AMZ1: variants seen among roughly 807,000 people sequenced by gnomAD.
AMZ1 encodes archaemetzincin-1.
A neutral mutation model predicts 29.9 loss-of-function variants in AMZ1; 39 were observed. The observed-to-expected ratio is 1.30, with a 90% CI of 1.01 to 1.70. The LOEUF (loss-of-function observed/expected upper bound fraction) is 1.70. Among genes scored for constraint, AMZ1 ranks in the 40% most tolerant of loss-of-function variants. AMZ1 has a pLI of 0.00. For synonymous variants in AMZ1, 458 were observed against 304.0 expected (o/e 1.51, Z -5.27); for missense variants, 1,041 against 680.6 (o/e 1.53, Z -5.89).
intron 4 of AMZ1, among the ~76,000 whole-genome samples, chr7:2,743,555 G>T (rs1378974582): frequency 6.6e-6 from 1 of 152,168 alleles, no homozygotes; most frequent in Non-Finnish European, 1.5e-5. Context: ...AGAGGTCAGG[G>T]AGGATCCAAG....
chr7:2,679,911 C>G (rs1055659874), intron 1 of AMZ1, among the ~76,000 whole-genome samples: 4 of 152,166 alleles, frequency 2.6e-5, no homozygotes, highest in African/African-American at 9.6e-5. Context: ...GTTGAGGAGG[C>G]CCAGCTGGGG....
intron 1 of AMZ1, among the ~76,000 whole-genome samples, chr7:2,682,160 T>G (rs1562350834): frequency 6.6e-6 from 1 of 152,146 alleles, no homozygotes; most frequent in Non-Finnish European, 1.5e-5. Context: ...ACAGGGAGGC[T>G]GGGCCGGGGC....
intron 6 of AMZ1, among the ~76,000 whole-genome samples, chr7:2,710,562 C>A (rs1235510248): frequency 1.3e-5 from 2 of 152,180 alleles, no homozygotes; most frequent in Non-Finnish European, 2.9e-5. Flanking sequence ...CAGGGCCTAG[C>A]TGGGCCCTCC....
chr7:2,694,388 T>C (rs1017713658), intron 1 of AMZ1, among the ~76,000 whole-genome samples: 8 of 152,252 alleles, frequency 5.3e-5, no homozygotes, highest in Admixed American at 5.2e-4. Flanking sequence ...CTTCCCTGGG[T>C]CTCTGGCTTG....
rs764348085 is a variant in AMZ1 at position 2,712,408 on chromosome 7, AC to A, written c.1031del (p.Pro344ArgfsTer42). ...EAGEPSVWED[T>X]PPASADSGMC... Reference sequence around the variant, plus strand: ...GGGGGAGCCGTCAGTGTGGGAGGACACCCCGCCTGCCAGCGCCGACTCGGGC... The same window carrying A: ...GGGGGAGCCGTCAGTGTGGGAGGACACCCGCCTGCCAGCGCCGACTCGGGC... On this transcript the variant is annotated frameshift_variant, in exon 7 of 7. Transcript: ENST00000683327. LOFTEE classifies it low-confidence loss of function (END_TRUNC). The A allele has an allele frequency of 6.2e-7, 1 of 1,606,868 alleles. No homozygotes were observed. The highest frequency in any genetic ancestry group is 8.5e-7 in the Non-Finnish European group (1 of 1,178,108).
intron 1 of AMZ1, among the ~76,000 whole-genome samples, chr7:2,692,632 C>T (rs1787469168): frequency 6.6e-6 from 1 of 152,234 alleles, no homozygotes; most frequent in East Asian, 1.9e-4. Context: ...TTCCTGGGCG[C>T]CTCTTCCGTA....
At chr7:2,708,548 G>T (rs373784936) in intron 3 of AMZ1, 40 bp from the exon 4 acceptor site, 2 of 1,608,130 alleles carry the variant, frequency 1.2e-6, no homozygotes, top group Non-Finnish European at 1.7e-6. Context: ...GGGGGTCCCC[G>T]GCTGCCTCCT....
chr7:2,755,571 A>C (rs1192809331), intron 4 of AMZ1, among the ~76,000 whole-genome samples: 2 of 152,140 alleles, frequency 1.3e-5, no homozygotes. Flanking sequence ...ATAGAAGTAA[A>C]ATTTATATTT....
chr7:2,680,117 G>A (rs972309078), intron 1 of AMZ1, among the ~76,000 whole-genome samples: 7 of 152,140 alleles, frequency 4.6e-5, no homozygotes, highest in Admixed American at 1.3e-4. Flanking sequence ...TGGGTGGGGC[G>A]GGCAGTTGAG....
At chr7:2,744,924 G>A (rs895570507) in intron 4 of AMZ1, among the ~76,000 whole-genome samples, 1 of 152,100 alleles carries the variant, frequency 6.6e-6, no homozygotes, top group South Asian at 2.1e-4. Flanking sequence ...TATAAGTGAT[G>A]GAAGACAAAA....
chr7:2,691,150 A>AAT (rs11409740), intron 1 of AMZ1, among the ~76,000 whole-genome samples: 1 of 146,192 alleles, frequency 6.8e-6, no homozygotes, highest in African/African-American at 2.7e-5. Flanking sequence ...AAAAAAAAAA[A>AAT]GCATTTCTCA....
chr7:2,746,631 A>T (rs1790775408), intron 4 of AMZ1, among the ~76,000 whole-genome samples: 1 of 152,214 alleles, frequency 6.6e-6, no homozygotes, highest in African/African-American at 2.4e-5. Context: ...GAACAAACAC[A>T]TTCAAAAGCC....
intron 4 of AMZ1, among the ~76,000 whole-genome samples, chr7:2,739,368 G>A (rs1002030581): frequency 1.3e-5 from 2 of 152,148 alleles, no homozygotes; most frequent in Admixed American, 6.5e-5. Context: ...TCATTGGAGC[G>A]CATTCACACA....
intron 1 of AMZ1, among the ~76,000 whole-genome samples, chr7:2,694,483 A>G (rs1469539497): frequency 6.6e-6 from 1 of 152,098 alleles, no homozygotes; most frequent in Non-Finnish European, 1.5e-5. Context: ...TTCATAGAGT[A>G]GAGATGAGGT....
At position 2,717,632 on chromosome 7, in the gene AMZ1, G is replaced by A. The variant is rs1203286944; in HGVS notation, c.*4754G>A. On this transcript the variant is annotated 3_prime_UTR_variant, in exon 7 of 7. Coordinates refer to ENST00000683327, the MANE Select transcript of AMZ1 (RefSeq NM_001384743.1). ...GGCTGTCAAAGATAAACACCGCAGG[G>A]TAATCTAGGAAACACTTCCGGCTTG... 6.6e-6 allele frequency among the ~76,000 whole-genome samples: 1 copy of A among 152,164 alleles called. No individual in the cohort carries two copies. The highest frequency in any genetic ancestry group is 1.5e-5 in the Non-Finnish European group (1 of 68,040).
chr7:2,738,719 A>T (rs1278243625), intron 4 of AMZ1, among the ~76,000 whole-genome samples: 2 of 152,182 alleles, frequency 1.3e-5, no homozygotes, highest in Non-Finnish European at 2.9e-5. Flanking sequence ...TTAAAAAAAA[A>T]TTAAATAAAA....
chr7:2,755,092 G>A (rs568792950), intron 4 of AMZ1, among the ~76,000 whole-genome samples: 21 of 152,280 alleles, frequency 1.4e-4, no homozygotes, highest in African/African-American at 4.1e-4. Context: ...GCGTGCTGGC[G>A]GGGAGCGATC....
Position 2,714,519 on chromosome 7 carries a change from G to A in AMZ1, c.*1641G>A, listed in dbSNP as rs778834548. The A allele has an allele frequency of 6.6e-6, 1 of 151,860 alleles. No individual in the cohort carries two copies. Among genetic ancestry groups the A allele is most frequent in the Non-Finnish European group, 1.5e-5 (1 of 67,910 alleles). 9.4% of individuals were successfully genotyped at this position (151,860 alleles called of 1,614,324 possible). ...CCTGGGAGGGGAGATGAAGAGCTAG[G>A]CCTTTCAGAAAGTGACCAATGGAAG... On this transcript the variant is annotated 3_prime_UTR_variant, in exon 7 of 7. Coordinates refer to ENST00000683327, the MANE Select transcript of AMZ1 (RefSeq NM_001384743.1).
At chr7:2,727,981 C>T (rs913125665) in intron 4 of AMZ1, 8 of 144,156 alleles carry the variant, frequency 5.5e-5, no homozygotes, top group African/African-American at 2.1e-4. Flanking sequence ...CGTTTGAACC[C>T]ACGAGGTGGA....
Sources: allele counts gnomAD v4.1 joint callset (sites outside exome capture counted in the v4.1 genomes callset), GRCh38; gene constraint gnomAD v4.1.1; transcripts MANE v1.5; gene names NCBI Gene and HGNC (gene_info 2026-07-23, HGNC 2026-07-21).